The following CDKN2C variants were observed in gnomAD, a reference collection of about 807,000 sequenced individuals.
CDKN2C encodes the protein cyclin dependent kinase inhibitor 2C.
CDKN2C carries 5 observed loss-of-function variants against 11.0 expected under a neutral mutation model. The ratio of observed to expected loss-of-function variants is 0.45; its 90% CI spans 0.24 to 0.95. The LOEUF (loss-of-function observed/expected upper bound fraction) is 0.95. Among genes scored for constraint, CDKN2C ranks in the 40% least tolerant of loss-of-function variants. CDKN2C has a pLI of 0.21. For synonymous variants in CDKN2C, 79 were observed against 88.3 expected, an observed-to-expected ratio of 0.89 and a Z score of 0.59; for missense variants, 161 against 211.9, an observed-to-expected ratio of 0.76 and a Z score of 1.49.
chr1:50,971,502 T>G (rs901888852), intron 1 of CDKN2C, among the ~76,000 whole-genome samples: 5 of 152,198 alleles, frequency 3.3e-5, no homozygotes, highest in African/African-American at 9.6e-5. Flanking sequence ...CAGAATACAC[T>G]GGCCTTGCAA....
chr1:50,974,303 T>G lies in CDKN2C; in HGVS notation c.*33T>G. ...GAGGGCTCCCCCACGTTGCCTCTACTTTATCAATTAACTGAGTAGCTCTCC... is the reference window on the plus strand; with the variant it reads ...GAGGGCTCCCCCACGTTGCCTCTACGTTATCAATTAACTGAGTAGCTCTCC... On this transcript the variant is annotated 3_prime_UTR_variant, in exon 2 of 2. Transcript: ENST00000371761. 1 of 1,520,306 alleles carries G rather than the reference T, an allele frequency of 6.6e-7. No homozygotes were observed. The highest frequency in any genetic ancestry group is 8.8e-7 in the Non-Finnish European group (1 of 1,135,766). The allele number at this position is 1,520,306 out of a possible 1,614,324, so 94.2% of individuals were successfully genotyped here. A position where few individuals can be genotyped will look rare whatever the true frequency, so the allele number is the denominator to read the frequency against.
At chr1:50,973,149 C>T (rs998107892) in intron 1 of CDKN2C, among the ~76,000 whole-genome samples, 1 of 152,110 alleles carries the variant, frequency 6.6e-6, no homozygotes, top group Admixed American at 6.5e-5. Flanking sequence ...AACACTGTGG[C>T]TTATTTAACA....
chr1:50,970,589 A>G, intron 1 of CDKN2C, 92 bp downstream of exon 1: 2 of 1,448,802 alleles, frequency 1.4e-6, no homozygotes, highest in Non-Finnish European at 1.9e-6. Context: ...TTTCAGGGAC[A>G]TAAAATTTCA....
At chr1:50,968,706 C>T (rs973726142), upstream of CDKN2C, 5 of 152,202 alleles carry the variant, frequency 3.3e-5, no homozygotes, top group African/African-American at 1.2e-4. Flanking sequence ...TCTGCCGAGC[C>T]TCCTTAAAAC....
chr1:50,960,818 C>T (rs1383393156), intron 1 of CDKN2C: 1 of 151,976 alleles, frequency 6.6e-6, no homozygotes, highest in Non-Finnish European at 1.5e-5. Context: ...AAATCTCGTT[C>T]CAGAGAAGAG....
chr1:50,962,081 C>T (rs915094065), intron 1 of CDKN2C, among the ~76,000 whole-genome samples: 29 of 152,278 alleles, frequency 1.9e-4, no homozygotes, highest in Non-Finnish European at 3.1e-4. Context: ...AATTTTCAGC[C>T]GTAAGAAAAT....
At chr1:50,972,349 GT>G (rs949696412) in intron 1 of CDKN2C, among the ~76,000 whole-genome samples, 29 of 152,108 alleles carry the variant, frequency 1.9e-4, no homozygotes, top group Non-Finnish European at 4.1e-4. Flanking sequence ...AAAATCAACA[GT>G]TTTATCAACA....
chr1:50,974,504 G>T lies in CDKN2C; in HGVS notation c.*234G>T. The T allele has an allele frequency of 2.5e-6, 1 of 404,586 alleles. No homozygotes were observed. The highest frequency in any genetic ancestry group is 4.4e-6 in the Non-Finnish European group (1 of 229,790). 25.1% of individuals were successfully genotyped at this position (404,586 alleles called of 1,614,324 possible). On this transcript the variant is annotated 3_prime_UTR_variant, in exon 2 of 2. Transcript: ENST00000371761. ...TTGCAGATAACTTTGACTTTCTTCT[G>T]AATATTTTATCTTTCCTTGGCTTTT...
chr1:50,968,680 C>T (rs1218095609), upstream of CDKN2C: 1 of 152,184 alleles, frequency 6.6e-6, no homozygotes, highest in African/African-American at 2.4e-5. Context: ...CCTTCCCGCT[C>T]CCGCGGCGCT....
chr1:50,970,603 T>G, intron 1 of CDKN2C, 106 bp downstream of exon 1: 1 of 1,316,624 alleles, frequency 7.6e-7, no homozygotes, highest in Non-Finnish European at 1.1e-6. Context: ...AATTTCACTG[T>G]TTTTAAACCT....
intron 1 of CDKN2C, among the ~76,000 whole-genome samples, chr1:50,963,107 C>T (rs879560663): frequency 6.6e-6 from 1 of 152,174 alleles, no homozygotes; most frequent in Non-Finnish European, 1.5e-5. Flanking sequence ...TTTCTCAGGA[C>T]CACCCCTTTC....
intron 1 of CDKN2C, among the ~76,000 whole-genome samples, chr1:50,964,197 A>G (rs569566689): frequency 1.3e-5 from 2 of 152,144 alleles, no homozygotes; most frequent in Non-Finnish European, 2.9e-5. Flanking sequence ...TTTTACACTA[A>G]TGTCCTTTTC....
chr1:50,973,207 C>A (rs1038770463), intron 1 of CDKN2C, among the ~76,000 whole-genome samples: 1 of 152,118 alleles, frequency 6.6e-6, no homozygotes, highest in Non-Finnish European at 1.5e-5. Context: ...GGATTCTAAA[C>A]ATTGAATACA....
upstream of CDKN2C, chr1:50,969,386 C>A (rs566197908): frequency 1.1e-3 from 163 of 152,440 alleles, no homozygotes; most frequent in African/African-American, 3.8e-3. This position sits in a 1 kb window ranked among gnomAD's most constrained non-coding sequence, Gnocchi z 6.6. Flanking sequence ...CGCGAGCTGC[C>A]CCAGCAGTCC....
intron 1 of CDKN2C, among the ~76,000 whole-genome samples, chr1:50,965,137 TATTA>T (rs200316260): frequency 0.013 from 1,969 of 152,180 alleles, 44 homozygotes; most frequent in African/African-American, 0.043. Context: ...ACTATACAAA[TATTA>T]ATTGTTGCTA....
At chr1:50,972,244 G>A (rs3176464) in intron 1 of CDKN2C, among the ~76,000 whole-genome samples, 4,621 of 151,982 alleles carry the variant, frequency 0.03, 247 homozygotes, top group African/African-American at 0.11. Context: ...AGTTGTGGTC[G>A]TATCAATTTT....
At chr1:50,973,672 A>T (rs1459931910) in intron 1 of CDKN2C, among the ~76,000 whole-genome samples, 1 of 152,196 alleles carries the variant, frequency 6.6e-6, no homozygotes, top group Non-Finnish European at 1.5e-5. Flanking sequence ...GGGCCCATTT[A>T]AGACGTTCCA....
intron 1 of CDKN2C, among the ~76,000 whole-genome samples, chr1:50,971,790 T>G (rs1645381446): frequency 6.6e-6 from 1 of 152,174 alleles, no homozygotes; most frequent in African/African-American, 2.4e-5. Context: ...TTAATAATAT[T>G]CTTTTAAAAA....
upstream of CDKN2C, chr1:50,969,919 T>TC (rs953362229): frequency 1.3e-5 from 3 of 237,372 alleles, no homozygotes; most frequent in Non-Finnish European, 2.5e-5. This position sits in a 1 kb window ranked among gnomAD's most constrained non-coding sequence, Gnocchi z 6.6. Context: ...TGCCTTTTCT[T>TC]CCCCCTGAAT....
Sources: gnomAD v4.1 joint callset for allele counts (sites outside exome capture counted in the v4.1 genomes callset) on GRCh38, gnomAD v4.1.1 for gene constraint, Gnocchi (gnomAD v3.1) non-coding constraint, MANE v1.5 for transcripts, NCBI Gene and HGNC (gene_info 2026-07-23, HGNC 2026-07-21) for gene names.